Variants in WASHC2C observed in about 807,000 individuals in gnomAD.
WASHC2C encodes the protein WASH complex subunit 2C.
WASHC2C carries 73 observed loss-of-function variants against 142.2 expected under a neutral mutation model. That is an observed-to-expected ratio of 0.51 (90% CI 0.43 to 0.62). The LOEUF (loss-of-function observed/expected upper bound fraction) is 0.62. Among genes scored for constraint, WASHC2C ranks in the 20% least tolerant of loss-of-function variants. WASHC2C has a pLI of 0.00. For missense variants in WASHC2C, 969 were observed against 1,531.7 expected (o/e 0.63, Z 6.13); for synonymous variants, 337 against 565.5 (o/e 0.60, Z 5.73).
chr10:45,765,749 C>T lies in WASHC2C; in HGVS notation c.1808C>T (p.Ala603Val). ...CTACAAGCTCAGAGAGAAGAGAAAG[C>T]AAAAGCCTCCGAGCTCTCCAAAAAG... ...LSLQAQREEK[A>V]KASELSKKKA... Residue 603 changes from alanine (A) to valine (V), a missense_variant, in exon 19 of 31, where the codon GCA (alanine) becomes GTA (valine). Coordinates refer to ENST00000623400, the MANE Select transcript of WASHC2C (RefSeq NM_001330074.2). The T allele has an allele frequency of 6.2e-7, 1 of 1,611,994 alleles. No homozygotes were observed. The highest frequency in any genetic ancestry group is 8.5e-7 in the Non-Finnish European group (1 of 1,179,858).
At position 45,755,061 on chromosome 10, in the gene WASHC2C, G is replaced by T. The variant is rs2054071337; in HGVS notation, c.1366G>T (p.Gly456Cys). 1 of 1,611,646 alleles carries T rather than the reference G, an allele frequency of 6.2e-7. No homozygotes were observed. The highest frequency in any genetic ancestry group is 1.1e-5 in the South Asian group (1 of 90,970). ...PPTGLFDDDD[G>C]DDDDDFFSAP... ...CACTGGCCTCTTTGATGATGATGATGGTGATGATGATGACGACTTTTTCTC... is the reference window on the plus strand; with the variant it reads ...CACTGGCCTCTTTGATGATGATGATTGTGATGATGATGACGACTTTTTCTC... Residue 456 changes from glycine to cysteine, a missense_variant, in exon 15 of 31, where the codon GGT (glycine) becomes TGT (cysteine). Gly to Cys is a radical substitution (Grantham distance 159, BLOSUM62 -3). Coordinates refer to ENST00000623400, the MANE Select transcript of WASHC2C (RefSeq NM_001330074.2).
chr10:45,772,098 C>T lies in WASHC2C; in HGVS notation c.2040-1158C>T, dbSNP rs148017420. Among the ~76,000 whole-genome samples, 561 of 152,328 alleles carry T rather than the reference C, an allele frequency of 3.7e-3. 3 individuals carry two copies. In the East Asian group the frequency reaches 0.052, roughly 14 times the overall value. ...AATAAAGTAGTGATGCATCCTAGAA[C>T]ATGAATGAACCTAGAAAATTTTATG... On this transcript the variant is annotated intron_variant, in intron 20 of 30. Coordinates refer to ENST00000623400, the MANE Select transcript of WASHC2C (RefSeq NM_001330074.2).
chr10:45,786,474 A>T (rs2058051250), intron 26 of WASHC2C, 138 bp from the exon 27 acceptor site: 2 of 923,386 alleles, frequency 2.2e-6, no homozygotes, highest in Non-Finnish European at 3.5e-6. Context: ...AGGCCCCAGG[A>T]GAGATTTGAA....
rs534928919 is a variant in WASHC2C, at chr10:45,787,788, C to T, written c.3087+541C>T. Among the ~76,000 whole-genome samples the T allele has an allele frequency of 2.2e-3, 336 of 152,260 alleles. 2 individuals are homozygous for T. Among genetic ancestry groups the T allele is most frequent in the African/African-American group, 3.9e-3 (160 of 41,556 alleles). On this transcript the variant is annotated intron_variant, in intron 28 of 30. Coordinates refer to ENST00000623400, the MANE Select transcript of WASHC2C (RefSeq NM_001330074.2). ...CCTGCTGCCTCCTCACCAGGAATGC[C>T]CCTCTCTGTCCACAGCTGTGCTTCC...
intron 3 of WASHC2C, among the ~76,000 whole-genome samples, chr10:45,734,108 C>T (rs2050923929): frequency 6.6e-6 from 1 of 152,034 alleles, no homozygotes; most frequent in African/African-American, 2.4e-5. Flanking sequence ...GCCTGTAGTC[C>T]CAGCTACTCG....
At chr10:45,756,604 C>A (rs2054327988) in intron 15 of WASHC2C, among the ~76,000 whole-genome samples, 1 of 151,968 alleles carries the variant, frequency 6.6e-6, no homozygotes, top group African/African-American at 2.4e-5. Context: ...TTGCTTTTAT[C>A]TGCTTTTGTA....
rs1473744371 is a variant in WASHC2C at position 45,791,521 on chromosome 10, T to C, written c.3887-740T>C. ...TCTGCTCTGTCTTTTAGTTACTTAA[T>C]GTCTTTTCATGTCAGTACGCAGAGA... On this transcript the variant is annotated intron_variant, in intron 30 of 30. Coordinates refer to ENST00000623400, the MANE Select transcript of WASHC2C (RefSeq NM_001330074.2). Among the ~76,000 whole-genome samples the C allele has an allele frequency of 2.0e-5, 3 of 146,422 alleles. No homozygotes were observed. The East Asian group carries it at 5.8e-4, about 28-fold the overall frequency.
intron 3 of WASHC2C, among the ~76,000 whole-genome samples, chr10:45,736,405 CAAAAA>C (rs71520974): frequency 0.052 from 1,268 of 24,374 alleles, 1 homozygote; most frequent in Middle Eastern, 0.083. Context: ...GACTCCATCT[CAAAAA>C]AAAAAAAAAA....
intron 3 of WASHC2C, among the ~76,000 whole-genome samples, chr10:45,737,050 C>T (rs2051363922): frequency 6.6e-6 from 1 of 151,732 alleles, no homozygotes; most frequent in African/African-American, 2.4e-5. Flanking sequence ...GCAATCAGGG[C>T]TCACTGCAGC....
chr10:45,762,735 C>T (rs2055281473), intron 17 of WASHC2C, among the ~76,000 whole-genome samples: 1 of 152,152 alleles, frequency 6.6e-6, no homozygotes, highest in East Asian at 1.9e-4. Flanking sequence ...GAAACCCCGT[C>T]TCTACTAAAA....
At chr10:45,743,140 G>GCC (rs2052348902) in intron 5 of WASHC2C, among the ~76,000 whole-genome samples, 1 of 151,762 alleles carries the variant, frequency 6.6e-6, no homozygotes, top group Non-Finnish European at 1.5e-5. Context: ...GCTTCCCAAA[G>GCC]TGCTAGGATT....
At chr10:45,735,657 T>G (rs574767526) in intron 3 of WASHC2C, among the ~76,000 whole-genome samples, 3 of 152,382 alleles carry the variant, frequency 2.0e-5, no homozygotes, top group African/African-American at 4.8e-5. Context: ...CTGGAAATCA[T>G]GATACCATGA....
In WASHC2C at chr10:45,750,909, G is replaced by A. The variant is rs1219932236; in HGVS notation, c.931+71G>A. On this transcript the variant is annotated intron_variant, in intron 10 of 30. Transcript: ENST00000623400. ...GGGCCCTCTGCTGGCTTCACCAAAG[G>A]CGGATTTCTCTTTTTATTAGTAATT... 5.0e-6 allele frequency: 7 copies of A among 1,409,198 alleles called. No individual in the cohort carries two copies. In the Admixed American group the frequency reaches 1.2e-4, roughly 24 times the overall value. The allele number at this position is 1,409,198 out of a possible 1,614,324, so 87.3% of individuals were successfully genotyped here. A position where few individuals can be genotyped will look rare whatever the true frequency, so the allele number is the denominator to read the frequency against.
At chr10:45,768,332 C>T (rs1414843007) in intron 19 of WASHC2C, among the ~76,000 whole-genome samples, 1 of 151,854 alleles carries the variant, frequency 6.6e-6, no homozygotes, top group African/African-American at 2.4e-5. Flanking sequence ...GGGGTACAGC[C>T]TCGTCATTGG....
Position 45,729,698 on chromosome 10 carries a change from G to T in WASHC2C, c.291+672G>T, listed in dbSNP as rs542292481. Among the ~76,000 whole-genome samples, 337 of 149,952 alleles carry T rather than the reference G, an allele frequency of 2.2e-3. 2 individuals are homozygous for T. The highest frequency in any genetic ancestry group is 7.9e-3 in the African/African-American group (322 of 40,678). On this transcript the variant is annotated intron_variant, in intron 3 of 30. Transcript: ENST00000623400. ...GAGATGAGGATGGAGAGGAAGCTTA[G>T]GTAACAGACCTGTGTTTCTCATAGG...
In WASHC2C at chr10:45,754,405, C is replaced by T. The variant is rs1410104308; in HGVS notation, c.1181-81C>T. The T allele has an allele frequency of 5.0e-6, 8 of 1,604,898 alleles. No homozygotes were observed. The East Asian group carries it at 6.7e-5, about 13-fold the overall frequency. ...AAGGTCTGGTACTAGCTGTGTGTTACATTGCACGTATTTCAGGAAGAAAAT... is the reference window on the plus strand; with the variant it reads ...AAGGTCTGGTACTAGCTGTGTGTTATATTGCACGTATTTCAGGAAGAAAAT... On this transcript the variant is annotated intron_variant, in intron 13 of 30. Transcript: ENST00000623400.
intron 17 of WASHC2C, among the ~76,000 whole-genome samples, chr10:45,761,163 C>T (rs1443849382): frequency 4.6e-5 from 7 of 151,502 alleles, no homozygotes; most frequent in Non-Finnish European, 7.4e-5. Flanking sequence ...GGCTGAGGGT[C>T]AGCTCACTCA....
intron 27 of WASHC2C, 118 bp downstream of exon 27, chr10:45,786,792 C>G: frequency 6.3e-7 from 1 of 1,576,780 alleles, no homozygotes; most frequent in South Asian, 1.1e-5. Context: ...CGCCTCCCCT[C>G]CCCTGCACCT....
intron 16 of WASHC2C, among the ~76,000 whole-genome samples, chr10:45,758,064 A>G (rs542818848): frequency 2.5e-4 from 37 of 150,292 alleles, no homozygotes; most frequent in African/African-American, 7.8e-4. Flanking sequence ...CACCTCCCAC[A>G]TCTTTTTTTT....
Sources: allele counts gnomAD v4.1 joint callset (sites outside exome capture counted in the v4.1 genomes callset), GRCh38; gene constraint gnomAD v4.1.1; transcripts MANE v1.5; gene names NCBI Gene and HGNC (gene_info 2026-07-23, HGNC 2026-07-21).